CC2D2A: variants seen among roughly 807,000 people sequenced by gnomAD.
CC2D2A encodes the protein coiled-coil and C2 domain containing 2A.
In CC2D2A, 155 loss-of-function variants were observed where a neutral mutation model predicts 212.9. The ratio of observed to expected loss-of-function variants is 0.73; its 90% CI spans 0.64 to 0.83. The LOEUF is 0.83. CC2D2A is among the 40% of genes least tolerant of loss of function. CC2D2A has a pLI of 0.00. For synonymous variants in CC2D2A, 667 were observed against 686.5 expected (o/e 0.97, Z 0.44); for missense variants, 1,856 against 1,956.2 (o/e 0.95, Z 0.97).
At chr4:15,473,419 CA>C (rs1326806610) in intron 1 of CC2D2A, among the ~76,000 whole-genome samples, 13 of 152,112 alleles carry the variant, frequency 8.5e-5, no homozygotes, top group African/African-American at 3.1e-4. Flanking sequence ...AGTGAAACAG[CA>C]AGAGCCATGC....
chr4:15,524,945 T>C (rs545536402), intron 11 of CC2D2A, among the ~76,000 whole-genome samples: 13 of 152,194 alleles, frequency 8.5e-5, no homozygotes, highest in Non-Finnish European at 1.8e-4. Context: ...ATGATAGTCA[T>C]CAATAAATAA....
At chr4:15,485,239 T>C (rs769239706) in intron 4 of CC2D2A, among the ~76,000 whole-genome samples, 2 of 152,246 alleles carry the variant, frequency 1.3e-5, no homozygotes, top group Non-Finnish European at 2.9e-5. Flanking sequence ...TAGTTGTCTT[T>C]CTGTGCCTGG....
intron 20 of CC2D2A, 145 bp downstream of exon 20, chr4:15,555,355 C>G: frequency 9.7e-7 from 1 of 1,032,998 alleles, no homozygotes; most frequent in Non-Finnish European, 1.4e-6. Context: ...TGCTTCTTGC[C>G]TGGCTATGGG....
At chr4:15,516,834 T>G (rs1198966213) in intron 11 of CC2D2A, 78 bp downstream of exon 11, 16 of 1,380,850 alleles carry the variant, frequency 1.2e-5, no homozygotes, top group Non-Finnish European at 1.6e-5. Flanking sequence ...GGGTGCTATA[T>G]TTATAACATT....
At chr4:15,483,209 C>G (rs1714795904) in intron 4 of CC2D2A, among the ~76,000 whole-genome samples, 1 of 152,176 alleles carries the variant, frequency 6.6e-6, no homozygotes, top group South Asian at 2.1e-4. Context: ...AGGAGACAGA[C>G]AAGTAAAAAG....
Position 15,580,060 on chromosome 4 carries a change from A to C in CC2D2A, c.3864A>C (p.Thr1288=). ...AGTTTCCAAATCGTCAGTGCCTTAC[A>C]ACAGTAATTGATATAAGCGGAAAAA... ...ALKFPNRQCL[T]TVIDISGKTV... Residue 1288 remains threonine, a synonymous_variant, in exon 30 of 37, where the codon ACA becomes ACC. Transcript: ENST00000424120. The C allele has an allele frequency of 1.2e-6, 2 of 1,614,000 alleles. No homozygotes were observed. Among genetic ancestry groups the C allele is most frequent in the South Asian group, 2.2e-5 (2 of 91,088 alleles).
Position 15,511,482 on chromosome 4 carries a change from T to C in CC2D2A, c.717+59T>C, listed in dbSNP as rs1460494127. ...TGGAGGGCTAGGAGGAAAAAGCTGATGTCCCTGCAAGAAAGAAAGTGGCTG... is the reference window on the plus strand; with the variant it reads ...TGGAGGGCTAGGAGGAAAAAGCTGACGTCCCTGCAAGAAAGAAAGTGGCTG... On this transcript the variant is annotated intron_variant, in intron 8 of 36. Transcript: ENST00000424120. 3 of 1,407,192 alleles carry C rather than the reference T, an allele frequency of 2.1e-6. No individual in the cohort carries two copies. In the African/African-American group the frequency reaches 4.5e-5, roughly 21 times the overall value. The allele number at this position is 1,407,192 out of a possible 1,614,324, so 87.2% of individuals were successfully genotyped here.
chr4:15,537,763 G>A, intron 15 of CC2D2A, 136 bp from the exon 16 acceptor site: 1 of 875,460 alleles, frequency 1.1e-6, no homozygotes, highest in Non-Finnish European at 1.7e-6. Context: ...AGGTGGCTTA[G>A]TGACCTGCCT....
chr4:15,598,127 C>A (rs1286866312), intron 35 of CC2D2A, among the ~76,000 whole-genome samples: 2 of 152,204 alleles, frequency 1.3e-5, no homozygotes, highest in Non-Finnish European at 2.9e-5. Flanking sequence ...CCAACTAGAA[C>A]AACTAATCTC....
intron 17 of CC2D2A, among the ~76,000 whole-genome samples, chr4:15,544,785 C>T (rs1359199334): frequency 2.0e-5 from 3 of 152,218 alleles, no homozygotes; most frequent in African/African-American, 7.2e-5. Context: ...TGCTTATTGC[C>T]TTGAATATTA....
Position 15,537,943 on chromosome 4 carries a change from C to G in CC2D2A, c.1809C>G (p.Pro603=). 1 of 1,609,018 alleles carries G rather than the reference C, an allele frequency of 6.2e-7. No individual in the cohort carries two copies. The highest frequency in any genetic ancestry group is 8.5e-7 in the Non-Finnish European group (1 of 1,177,772). The change falls in exon 16 of 37, where the codon CCC becomes CCG. Residue 603 remains proline (P), a synonymous_variant. Coordinates refer to ENST00000424120, the MANE Select transcript of CC2D2A (RefSeq NM_001378615.1). ...GGAAACAAGCAGCAGAAGAACATCC[C>G]GGTGATGAGATTGCAGAGCCGTATC... is the stretch of plus-strand genomic sequence containing the variant. The part of the protein sequence containing the change: ...KKRKQAAEEH[P]GDEIAEPYPE...
At chr4:15,502,751 T>C in intron 5 of CC2D2A, 71 bp from the exon 6 acceptor site, 2 of 1,305,260 alleles carry the variant, frequency 1.5e-6, no homozygotes, top group South Asian at 2.6e-5. Flanking sequence ...AAGGATAGCA[T>C]GTATTTTTTA....
intron 1 of CC2D2A, among the ~76,000 whole-genome samples, chr4:15,470,773 A>G (rs1307348120): frequency 2.0e-5 from 3 of 148,972 alleles, no homozygotes; most frequent in Admixed American, 6.7e-5. Flanking sequence ...TCAAACATTT[A>G]TGGAGCATCA....
chr4:15,498,874 G>A (rs943913155), intron 4 of CC2D2A, among the ~76,000 whole-genome samples: 5 of 152,128 alleles, frequency 3.3e-5, no homozygotes, highest in Non-Finnish European at 5.9e-5. Flanking sequence ...ACACCATCAT[G>A]GTTCCTTTCT....
chr4:15,490,190 T>C (rs554899624), intron 4 of CC2D2A, among the ~76,000 whole-genome samples: 1 of 152,346 alleles, frequency 6.6e-6, no homozygotes, highest in Non-Finnish European at 1.5e-5. Flanking sequence ...ATTGTTAGTG[T>C]ACAATTTAAG....
chr4:15,520,671 A>G (rs1717149083), intron 11 of CC2D2A, among the ~76,000 whole-genome samples: 2 of 152,242 alleles, frequency 1.3e-5, no homozygotes, highest in South Asian at 2.1e-4. Flanking sequence ...GCAGAATGCC[A>G]CTTGAACCCA....
chr4:15,517,639 C>T (rs1716961850), intron 11 of CC2D2A, among the ~76,000 whole-genome samples: 1 of 152,154 alleles, frequency 6.6e-6, no homozygotes, highest in Non-Finnish European at 1.5e-5. Context: ...ACATAAGTGT[C>T]TAAAACAGAC....
Position 15,553,228 on chromosome 4 carries a change from T to C in CC2D2A, c.2409T>C (p.His803=), listed in dbSNP as rs780868022. ...TGATGACCTCAGGGAAAGTGTCTCA[T>C]AGTGTGGCATGGGCCATTGGAGAAA... is the stretch of plus-strand genomic sequence containing the variant. ...LTLMTSGKVS[H]SVAWAIGENG... Residue 803 remains histidine, a synonymous_variant, in exon 19 of 37, where the codon CAT becomes CAC. Transcript: ENST00000424120. The C allele has an allele frequency of 3.1e-6, 5 of 1,612,922 alleles. No individual in the cohort carries two copies. Among genetic ancestry groups the C allele is most frequent in the Non-Finnish European group, 4.2e-6 (5 of 1,179,500 alleles).
chr4:15,528,748 T>G (rs766272089), intron 13 of CC2D2A, 22 bp downstream of exon 13: 1 of 1,541,584 alleles, frequency 6.5e-7, no homozygotes. Context: ...TTGTTAAGTG[T>G]AACTACTTTT....
Sources: gnomAD v4.1 joint callset for allele counts (sites outside exome capture counted in the v4.1 genomes callset) on GRCh38, gnomAD v4.1.1 for gene constraint, MANE v1.5 for transcripts, NCBI Gene and HGNC (gene_info 2026-07-23, HGNC 2026-07-21) for gene names.